FBXO34: variants seen among roughly 807,000 people sequenced by gnomAD.
FBXO34 encodes F-box only protein 34.
Under a neutral mutation model 24.5 loss-of-function variants are expected in FBXO34, and 12 were observed. The ratio of observed to expected loss-of-function variants is 0.49; its 90% confidence interval spans 0.31 to 0.79. The LOEUF is 0.79. Among genes scored for constraint, FBXO34 ranks in the 30% least tolerant of loss-of-function variants. The probability of loss-of-function intolerance (pLI) is 0.04; values close to 1 mark genes in which losing one functional copy is unlikely to be tolerated. For missense variants in FBXO34, 823 were observed against 857.7 expected, an observed-to-expected ratio of 0.96 and a Z score of 0.51; for synonymous variants, 320 against 311.9, an observed-to-expected ratio of 1.03 and a Z score of -0.27.
At chr14:55,440,698 C>T in the FBXO34 span, 4 of 859,280 alleles carry the variant, frequency 4.7e-6, no homozygotes, top group African/African-American at 5.3e-5. Context: ...TAGGGGTGGG[C>T]CGGAGAGGGG....
chr14:55,410,065 C>T, the FBXO34 span, among the ~76,000 whole-genome samples: 4 of 151,954 alleles, frequency 2.6e-5, no homozygotes, highest in Non-Finnish European at 5.9e-5. Flanking sequence ...AGAGAGGAGT[C>T]AAGGAGAACT....
the FBXO34 span, chr14:55,414,433 G>T: frequency 6.2e-7 from 1 of 1,607,810 alleles, no homozygotes; most frequent in South Asian, 1.1e-5. Context: ...ATGCTTCATA[G>T]ATCTCAGAAC....
chr14:55,327,908 G>GTTTTTTTTTT lies in FBXO34; in HGVS notation c.-10-22447_-10-22438dup, dbSNP rs386381425. ...CATATGATTTTCTTTGTTGTTGTTG[G>GTTTTTTTTTT]TTTTTTTTTTTTTTTTTTTTTTTTT... is the stretch of plus-strand genomic sequence containing the variant. On this transcript the variant is annotated intron_variant, in intron 1 of 1. Coordinates refer to ENST00000313833, the MANE Select transcript of FBXO34 (RefSeq NM_017943.4). Among the ~76,000 whole-genome samples, 39 of 48,726 alleles carry GTTTTTTTTTT rather than the reference G, an allele frequency of 8.0e-4. 7 individuals are homozygous for GTTTTTTTTTT. Among genetic ancestry groups the GTTTTTTTTTT allele is most frequent in the Admixed American group, 1.4e-3 (4 of 2,868 alleles). The allele number at this position is 48,726 out of a possible 152,430, so 32.0% of individuals were successfully genotyped here. A position where few individuals can be genotyped will look rare whatever the true frequency, so the allele number is the denominator to read the frequency against.
downstream of FBXO34, chr14:55,368,497 G>C (rs1884735427): frequency 6.6e-6 from 1 of 152,528 alleles, no homozygotes; most frequent in Non-Finnish European, 1.5e-5. Flanking sequence ...TGGGATTACA[G>C]GCGTGAGCCA....
chr14:55,381,824 T>C, the FBXO34 span: 1 of 678,480 alleles, frequency 1.5e-6, no homozygotes, highest in East Asian at 2.7e-5. Flanking sequence ...TGAAATGACA[T>C]GGAGGTGATG....
chr14:55,401,549 A>T, the FBXO34 span, among the ~76,000 whole-genome samples: 11 of 152,364 alleles, frequency 7.2e-5, no homozygotes, highest in East Asian at 1.9e-3. Context: ...TCACTAAATT[A>T]TTCCATACTT....
chr14:55,433,615 G>T, the FBXO34 span: 2 of 1,602,180 alleles, frequency 1.2e-6, no homozygotes, highest in Non-Finnish European at 1.7e-6. Context: ...GGGGTGGAGG[G>T]ATGATTCCTC....
chr14:55,323,024 A>AAAAAAAAAC lies in FBXO34; in HGVS notation c.-10-27349_-10-27348insCAAAAAAAA, dbSNP rs1555337878. ...CCATCTCTACTAAAAATACAAAAAA[A>AAAAAAAAAC]AAAAAAAAAGCAAAAACGGGCATGA... is the stretch of plus-strand genomic sequence containing the variant. On this transcript the variant is annotated intron_variant, in intron 1 of 1. Coordinates refer to ENST00000313833, the MANE Select transcript of FBXO34 (RefSeq NM_017943.4). 6.0e-3 allele frequency among the ~76,000 whole-genome samples: 422 copies of AAAAAAAAAC among 70,620 alleles called. 3 individuals are homozygous for AAAAAAAAAC. The highest frequency in any genetic ancestry group is 0.018 in the African/African-American group (399 of 22,426). 46.3% of individuals were successfully genotyped at this position (70,620 alleles called of 152,430 possible). A position where few individuals can be genotyped will look rare whatever the true frequency, so the allele number is the denominator to read the frequency against.
downstream of FBXO34, chr14:55,369,608 G>C: frequency 6.7e-7 from 1 of 1,500,452 alleles, no homozygotes; most frequent in Non-Finnish European, 8.9e-7. Flanking sequence ...GTATGTTTTG[G>C]TCCATGCTCG....
the FBXO34 span, chr14:55,411,915 G>C: frequency 7.3e-6 from 9 of 1,233,166 alleles, no homozygotes; most frequent in African/African-American, 7.5e-5. Flanking sequence ...GGGGGGCTGG[G>C]ATGCCGGCGA....
the FBXO34 span, among the ~76,000 whole-genome samples, chr14:55,428,428 G>A: frequency 3.3e-5 from 5 of 152,078 alleles, no homozygotes; most frequent in Non-Finnish European, 7.3e-5. Flanking sequence ...GCCAAGCTAC[G>A]TTTGTATGCT....
intron 1 of FBXO34, among the ~76,000 whole-genome samples, chr14:55,322,368 C>G (rs1303856808): frequency 6.6e-6 from 1 of 151,804 alleles, no homozygotes; most frequent in Non-Finnish European, 1.5e-5. Flanking sequence ...AGACATCTTT[C>G]TGTGTATTTG....
intron 1 of FBXO34, among the ~76,000 whole-genome samples, chr14:55,337,335 G>C (rs770787952): frequency 2.0e-5 from 3 of 152,044 alleles, no homozygotes; most frequent in African/African-American, 7.2e-5. Flanking sequence ...TCATTCTATG[G>C]AACAATTTTT....
At chr14:55,375,486 C>T in the FBXO34 span, among the ~76,000 whole-genome samples, 4 of 114,878 alleles carry the variant, frequency 3.5e-5, no homozygotes, top group South Asian at 2.9e-4. Flanking sequence ...CCACGCCGGG[C>T]TAAATTTTTT....
At chr14:55,376,609 A>G in the FBXO34 span, among the ~76,000 whole-genome samples, 155 of 152,326 alleles carry the variant, frequency 1.0e-3, no homozygotes, top group African/African-American at 3.6e-3. Flanking sequence ...GCAGATTATC[A>G]CTGAAAGTTA....
chr14:55,300,409 G>A (rs774922161), intron 1 of FBXO34, among the ~76,000 whole-genome samples: 101 of 152,116 alleles, frequency 6.6e-4, no homozygotes, highest in Non-Finnish European at 1.5e-4. Flanking sequence ...TGGCCAATAT[G>A]GTGAAACCCT....
intron 1 of FBXO34, among the ~76,000 whole-genome samples, chr14:55,329,515 G>A (rs116700019): frequency 0.014 from 2,122 of 152,220 alleles, 36 homozygotes; most frequent in African/African-American, 0.044. Flanking sequence ...TGTTTCACCA[G>A]GTTTTATGTT....
chr14:55,433,748 A>G, the FBXO34 span: 1 of 1,605,082 alleles, frequency 6.2e-7, no homozygotes, highest in Non-Finnish European at 8.5e-7. Flanking sequence ...AAAGAGAATT[A>G]GCCTCTGCTA....
chr14:55,323,184 C>CT (rs1555337910), intron 1 of FBXO34, among the ~76,000 whole-genome samples: 2,159 of 12,226 alleles, frequency 0.18, 413 homozygotes, highest in Middle Eastern at 0.44. Flanking sequence ...GACTCTGTCT[C>CT]AAAAAAAAAA....
Sources: gnomAD v4.1 joint callset for allele counts (sites outside exome capture counted in the v4.1 genomes callset) on GRCh38, gnomAD v4.1.1 for gene constraint, MANE v1.5 for transcripts, NCBI Gene and HGNC (gene_info 2026-07-23, HGNC 2026-07-21) for gene names.